VAV2: variants seen among roughly 807,000 people sequenced by gnomAD.
The protein encoded by VAV2 is guanine nucleotide exchange factor VAV2.
Under a neutral mutation model 132.5 loss-of-function variants are expected in VAV2, and 67 were observed. The ratio of observed to expected loss-of-function variants is 0.51; its 90% CI spans 0.42 to 0.62. VAV2 has a LOEUF of 0.62. Ranked by LOEUF, VAV2 falls within the 20% of genes least tolerant of loss-of-function variation. VAV2 has a pLI of 0.00. For missense variants in VAV2, 938 were observed against 1,153.6 expected (o/e 0.81, Z 2.71); for synonymous variants, 492 against 443.5 (o/e 1.11, Z -1.37).
chr9:133,886,414 A>G (rs1564435868), intron 2 of VAV2, among the ~76,000 whole-genome samples: 2 of 152,196 alleles, frequency 1.3e-5, no homozygotes, highest in South Asian at 2.1e-4. Context: ...AAGGTCACCC[A>G]GCTTGAAGGA....
rs1840559650 is a variant in VAV2 at position 133,928,454 on chromosome 9, G to A, written c.321+10649C>T. On this transcript the variant is annotated intron_variant, in intron 2 of 29. Coordinates refer to ENST00000371850, the MANE Select transcript of VAV2 (RefSeq NM_001134398.2). This position sits in a 1 kb window ranked among gnomAD's most constrained non-coding sequence, Gnocchi z 5.4. ...TGCATTTTAATAAGTAATTAGTGTG[G>A]AGTGGATGCTGCTACAAAGACTAGC... Among the ~76,000 whole-genome samples, 1 of 152,202 alleles carries A rather than the reference G, an allele frequency of 6.6e-6. No individual in the cohort carries two copies. Among genetic ancestry groups the A allele is most frequent in the Non-Finnish European group, 1.5e-5 (1 of 68,044 alleles).
intron 1 of VAV2, 200 bp from the exon 2 acceptor site, chr9:133,939,419 C>A (rs563255862): frequency 1.8e-5 from 11 of 607,412 alleles, no homozygotes; most frequent in Non-Finnish European, 2.9e-5. Flanking sequence ...AGAAGCCAGG[C>A]CTGGATGGAA....
chr9:133,971,694 C>T (rs897356481), intron 1 of VAV2, among the ~76,000 whole-genome samples: 1 of 152,132 alleles, frequency 6.6e-6, no homozygotes, highest in East Asian at 1.9e-4. Flanking sequence ...AGGACAGGGG[C>T]CCCAGGAGCT....
chr9:133,792,091 G>A (rs1036374762), intron 12 of VAV2, among the ~76,000 whole-genome samples: 1 of 146,736 alleles, frequency 6.8e-6, no homozygotes, highest in Non-Finnish European at 1.5e-5. Flanking sequence ...GACAGCATGT[G>A]TGTGTGAGCG....
chr9:133,834,886 G>A lies in VAV2; in HGVS notation c.381-546C>T, dbSNP rs1205696597. On this transcript the variant is annotated intron_variant, in intron 3 of 29. Transcript: ENST00000371850. This position sits in a 1 kb window ranked among gnomAD's most constrained non-coding sequence, Gnocchi z 5.9. ...GGCTTGAGGTCAGGAAGAGAGTCCC[G>A]AAAATGAAAAGCCCTCGGACCTTCC... Among the ~76,000 whole-genome samples, 1 of 152,066 alleles carries A rather than the reference G, an allele frequency of 6.6e-6. No individual in the cohort carries two copies. Among genetic ancestry groups the A allele is most frequent in the African/African-American group, 2.4e-5 (1 of 41,398 alleles).
chr9:133,817,742 C>T (rs940076960), intron 4 of VAV2, among the ~76,000 whole-genome samples: 12 of 152,210 alleles, frequency 7.9e-5, no homozygotes, highest in Admixed American at 6.5e-4. Flanking sequence ...TTTCAGATAT[C>T]GTGCTTTTCA....
chr9:133,976,737 C>T (rs933258625), intron 1 of VAV2, among the ~76,000 whole-genome samples: 11 of 152,234 alleles, frequency 7.2e-5, no homozygotes, highest in African/African-American at 2.7e-4. Context: ...TCACGTGGGA[C>T]TTGTCTTTCA....
intron 3 of VAV2, among the ~76,000 whole-genome samples, chr9:133,853,647 C>T (rs1485824175): frequency 2.6e-5 from 4 of 152,108 alleles, no homozygotes; most frequent in African/African-American, 7.2e-5. Context: ...CAAAGCGCTT[C>T]CCCACCCAGG....
chr9:133,909,658 GT>G (rs748079233), intron 2 of VAV2, among the ~76,000 whole-genome samples: 5 of 60,846 alleles, frequency 8.2e-5, no homozygotes, highest in Middle Eastern at 6.8e-3. Flanking sequence ...AGACTAGATG[GT>G]CCGACTGGGC....
chr9:133,965,083 C>T (rs1221052541), intron 1 of VAV2, among the ~76,000 whole-genome samples: 1 of 151,754 alleles, frequency 6.6e-6, no homozygotes, highest in African/African-American at 2.4e-5. Context: ...AAAGCTCCAC[C>T]AAAAAAACCT....
intron 2 of VAV2, among the ~76,000 whole-genome samples, chr9:133,934,741 C>T (rs921233381): frequency 2.6e-5 from 4 of 152,200 alleles, no homozygotes; most frequent in African/African-American, 4.8e-5. Flanking sequence ...CTGTCACCCC[C>T]GTTCCTGGGT....
Position 133,834,303 on chromosome 9 carries a change from C to A in VAV2, c.418G>T (p.Asp140Tyr). 1 of 1,612,820 alleles carries A rather than the reference C, an allele frequency of 6.2e-7. No individual in the cohort carries two copies. The highest frequency in any genetic ancestry group is 8.5e-7 in the Non-Finnish European group (1 of 1,179,544). ...AGCTCCTCCAGGCTGCGGTAGACGT[C>A]ATCGTCATTCTCTGTGGTCTCCTCT... ...PSEETTENDDDVYRSLEELAD... is the reference protein window; with the variant it reads ...PSEETTENDDYVYRSLEELAD... The change falls in exon 4 of 30, where the codon GAC (aspartate) becomes TAC (tyrosine). Residue 140 changes from aspartate (D) to tyrosine (Y), a missense_variant. Asp to Tyr is a radical substitution (Grantham distance 160). Coordinates refer to ENST00000371850, the MANE Select transcript of VAV2 (RefSeq NM_001134398.2). This position sits in a 1 kb window ranked among gnomAD's most constrained non-coding sequence, Gnocchi z 5.9.
chr9:133,941,264 C>A lies in VAV2; in HGVS notation c.205-2045G>T, dbSNP rs140689379. Among the ~76,000 whole-genome samples, 993 of 152,018 alleles carry A rather than the reference C, an allele frequency of 6.5e-3. 7 individuals carry two copies. The highest frequency in any genetic ancestry group is 0.011 in the Non-Finnish European group (719 of 67,968). ...CTCTACTAAAAATACAAAAATTAGC[C>A]GGGCGTGGTGGCGCACACCTGTAGT... On this transcript the variant is annotated intron_variant, in intron 1 of 29. Coordinates refer to ENST00000371850, the MANE Select transcript of VAV2 (RefSeq NM_001134398.2).
intron 2 of VAV2, among the ~76,000 whole-genome samples, chr9:133,915,468 C>A (rs575952947): frequency 6.6e-6 from 1 of 152,192 alleles, no homozygotes; most frequent in Admixed American, 6.5e-5. Context: ...GAAAAAAATG[C>A]CGGACAAGGG....
intron 2 of VAV2, among the ~76,000 whole-genome samples, chr9:133,888,718 T>C (rs1250477989): frequency 2.0e-5 from 3 of 152,196 alleles, no homozygotes; most frequent in African/African-American, 7.2e-5. Flanking sequence ...TCCACCCCAA[T>C]TAGTATCATG....
At chr9:133,813,232 C>T (rs553963428) in intron 4 of VAV2, among the ~76,000 whole-genome samples, 5 of 152,350 alleles carry the variant, frequency 3.3e-5, no homozygotes, top group Admixed American at 2.0e-4. Context: ...TCTCACATCC[C>T]GGGCTCAAAG....
In VAV2 at chr9:133,961,528, C is replaced by G. The variant is rs927411415; in HGVS notation, c.205-22309G>C. ...GAGGCATGGAGGGAGCCCTTTCCCACCCCCCGCTCAACAGGAACACAGCTG... is the reference window on the plus strand; with the variant it reads ...GAGGCATGGAGGGAGCCCTTTCCCAGCCCCCGCTCAACAGGAACACAGCTG... On this transcript the variant is annotated intron_variant, in intron 1 of 29. Transcript: ENST00000371850. The surrounding 1 kb of genome is among the most constrained non-coding windows in gnomAD (Gnocchi z 4.1). Among the ~76,000 whole-genome samples the G allele has an allele frequency of 6.6e-6, 1 of 152,114 alleles. No individual in the cohort carries two copies. Among genetic ancestry groups the G allele is most frequent in the Non-Finnish European group, 1.5e-5 (1 of 68,036 alleles).
At chr9:133,987,642 G>A (rs998088676) in intron 1 of VAV2, among the ~76,000 whole-genome samples, 4 of 152,282 alleles carry the variant, frequency 2.6e-5, no homozygotes, top group East Asian at 3.9e-4. Flanking sequence ...TGTGTTTTAC[G>A]AGGAGGAGGC....
Position 133,863,343 on chromosome 9 carries a change from C to G in VAV2, c.322-1911G>C, listed in dbSNP as rs1837672340. Among the ~76,000 whole-genome samples the G allele has an allele frequency of 6.6e-6, 1 of 152,206 alleles. No individual in the cohort carries two copies. The highest frequency in any genetic ancestry group is 2.1e-4 in the South Asian group (1 of 4,838). On this transcript the variant is annotated intron_variant, in intron 2 of 29. Transcript: ENST00000371850. This position sits in a 1 kb window ranked among gnomAD's most constrained non-coding sequence, Gnocchi z 5.0. ...CTCCTCCGTGGAGTCTAAGGAGGCA[C>G]CAGCATTCGGTCAGCGCTGACACAC...
Sources: gnomAD v4.1 joint callset for allele counts (sites outside exome capture counted in the v4.1 genomes callset) on GRCh38, gnomAD v4.1.1 for gene constraint, Gnocchi (gnomAD v3.1) non-coding constraint, MANE v1.5 for transcripts, NCBI Gene and HGNC (gene_info 2026-07-23, HGNC 2026-07-21) for gene names.